Variants in ZNF69 observed in about 807,000 individuals in gnomAD.
The protein encoded by ZNF69 is ZNF3.
ZNF69 carries 47 observed loss-of-function variants against 50.9 expected under a neutral mutation model. The ratio of observed to expected loss-of-function variants is 0.92; its 90% CI spans 0.73 to 1.18. ZNF69 has a LOEUF of 1.18. ZNF69 is among the 50% of genes most tolerant of loss of function. The pLI is 0.00. For missense variants in ZNF69, 717 were observed against 675.1 expected (o/e 1.06, Z -0.69); for synonymous variants, 216 against 223.1 (o/e 0.97, Z 0.29).
chr19:11,924,207 C>A, the ZNF69 span, among the ~76,000 whole-genome samples: 4 of 151,718 alleles, frequency 2.6e-5, no homozygotes, highest in Non-Finnish European at 4.4e-5. Flanking sequence ...CCGAGGCGGG[C>A]GGATCAAGAG....
the ZNF69 span, among the ~76,000 whole-genome samples, chr19:11,968,055 T>C: frequency 6.6e-6 from 1 of 152,186 alleles, no homozygotes; most frequent in Non-Finnish European, 1.5e-5. Context: ...CTTCAGGCTG[T>C]TTTCTTAATG....
chr19:11,946,715 C>G, the ZNF69 span: 1 of 153,188 alleles, frequency 6.5e-6, no homozygotes, highest in Non-Finnish European at 1.5e-5. Context: ...GTTATAGTAA[C>G]TCCATAGTCT....
At chr19:11,961,472 A>G in the ZNF69 span, among the ~76,000 whole-genome samples, 26,254 of 152,168 alleles carry the variant, frequency 0.17, 4,802 homozygotes, top group African/African-American at 0.47. Flanking sequence ...ATATACTGTC[A>G]TACAAGTGCT....
chr19:11,914,243 G>A (rs1200997027), exon 5 of ZNF69: 1 of 152,032 alleles, frequency 6.6e-6, no homozygotes, highest in Non-Finnish European at 1.5e-5. Context: ...TTGAATATAG[G>A]AGGCAGACGT....
At chr19:11,916,415 G>GACCACCC (rs2145259182), downstream of ZNF69, among the ~76,000 whole-genome samples, 1 of 152,284 alleles carries the variant, frequency 6.6e-6, no homozygotes, top group East Asian at 1.9e-4. Context: ...AGGAGTTCAA[G>GACCACCC]ACCACCCTGG....
At chr19:11,978,265 T>C in the ZNF69 span, 1 of 1,614,054 alleles carries the variant, frequency 6.2e-7, no homozygotes, top group East Asian at 2.2e-5. Context: ...TGTGGAGAAG[T>C]TGGCATAGGT....
chr19:11,919,199 G>A (rs1972546391), downstream of ZNF69, among the ~76,000 whole-genome samples: 1 of 151,760 alleles, frequency 6.6e-6, no homozygotes, highest in African/African-American at 2.4e-5. Flanking sequence ...CTGGCCCCTT[G>A]TTTTTCTTTT....
At chr19:11,935,175 CAAA>C in the ZNF69 span, among the ~76,000 whole-genome samples, 1 of 44,378 alleles carries the variant, frequency 2.3e-5, no homozygotes, top group Admixed American at 2.6e-4. Flanking sequence ...GACTCCGTCT[CAAA>C]AAAAAAAAAA....
the ZNF69 span, among the ~76,000 whole-genome samples, chr19:11,974,209 T>A: frequency 8.0e-6 from 1 of 125,302 alleles, no homozygotes; most frequent in Non-Finnish European, 1.7e-5. Flanking sequence ...TTTTTTTTTG[T>A]TTTTTGTTTT....
the ZNF69 span, among the ~76,000 whole-genome samples, chr19:11,926,000 A>G: frequency 1.3e-5 from 2 of 152,162 alleles, no homozygotes; most frequent in Non-Finnish European, 2.9e-5. Flanking sequence ...AAGGGGGGTT[A>G]GAAGGCACAG....
At chr19:11,976,996 T>C in the ZNF69 span, 12 of 1,611,430 alleles carry the variant, frequency 7.4e-6, no homozygotes, top group Non-Finnish European at 1.0e-5. Flanking sequence ...CCCACTGCTG[T>C]CACTCTCACC....
In ZNF69 at chr19:11,904,770, T is replaced by C; in HGVS notation, c.373T>C (p.Ser125Pro). The C allele has an allele frequency of 6.2e-7, 1 of 1,613,918 alleles. No homozygotes were observed. The highest frequency in any genetic ancestry group is 1.7e-5 in the Admixed American group (1 of 60,012). Residue 125 changes from serine to proline, a missense_variant, in exon 4 of 4, where the codon TCA (serine) becomes CCA (proline). By Grantham distance (74) the Ser-to-Pro change is moderately conservative. Coordinates refer to ENST00000429654, the MANE Select transcript of ZNF69 (RefSeq NM_001364730.1). ...GAAGAAAGCTTCTCCTGAAATAAAA[T>C]CATGTGACAGCTTTGTGTGTGGAGA... is the stretch of plus-strand genomic sequence containing the variant. ...QEKKASPEIK[S>P]CDSFVCGEVG...
the ZNF69 span, among the ~76,000 whole-genome samples, chr19:11,955,507 C>T: frequency 1.3e-5 from 2 of 151,976 alleles, no homozygotes; most frequent in East Asian, 1.9e-4. Flanking sequence ...TATCCTTCCA[C>T]CTCAGCCTCC....
the ZNF69 span, among the ~76,000 whole-genome samples, chr19:11,945,116 A>C: frequency 6.6e-6 from 1 of 152,194 alleles, no homozygotes; most frequent in South Asian, 2.1e-4. Context: ...CACAGTGTAA[A>C]AGGCTTTGTT....
At chr19:11,939,747 C>CA in the ZNF69 span, among the ~76,000 whole-genome samples, 9 of 152,254 alleles carry the variant, frequency 5.9e-5, no homozygotes, top group African/African-American at 2.2e-4. Context: ...AGGCATGAGT[C>CA]ACCACACCTG....
chr19:11,915,397 G>T (rs373429935), downstream of ZNF69, among the ~76,000 whole-genome samples: 2,120 of 152,256 alleles, frequency 0.014, 27 homozygotes, highest in African/African-American at 0.048. Flanking sequence ...CAATGAAAGT[G>T]CAGGCTGAGG....
chr19:11,949,829 G>C, the ZNF69 span: 2 of 1,612,718 alleles, frequency 1.2e-6, no homozygotes, highest in African/African-American at 1.3e-5. Context: ...AAAGCCTTCA[G>C]TTGTGCCTCA....
the ZNF69 span, among the ~76,000 whole-genome samples, chr19:11,974,126 TTTTCTTTCTTTC>T: frequency 9.1e-5 from 5 of 55,024 alleles, no homozygotes; most frequent in African/African-American, 2.8e-4. Context: ...TCTTTCTTTC[TTTTCTTTCTTTC>T]TTTCTTTCTT....
chr19:11,951,786 T>C, the ZNF69 span, among the ~76,000 whole-genome samples: 9 of 152,236 alleles, frequency 5.9e-5, no homozygotes, highest in Admixed American at 6.5e-5. Flanking sequence ...AATATAGTTA[T>C]AAAATATTCT....
Sources: gnomAD v4.1 joint callset for allele counts (sites outside exome capture counted in the v4.1 genomes callset) on GRCh38, gnomAD v4.1.1 for gene constraint, MANE v1.5 for transcripts, NCBI Gene and HGNC (gene_info 2026-07-23, HGNC 2026-07-21) for gene names.